Variants in DNER observed in about 807,000 individuals in gnomAD.
DNER encodes delta and Notch-like epidermal growth factor-related receptor.
DNER carries 33 observed loss-of-function variants against 78.2 expected under a neutral mutation model. The observed-to-expected ratio is 0.42, with a 90% CI of 0.32 to 0.56. The LOEUF (loss-of-function observed/expected upper bound fraction) is 0.56, where lower values mean the gene tolerates loss of function less well. DNER is among the 20% of genes least tolerant of loss of function. The pLI is 0.11. For missense variants in DNER, 918 were observed against 975.3 expected, an observed-to-expected ratio of 0.94 and a Z score of 0.78; for synonymous variants, 417 against 384.8, an observed-to-expected ratio of 1.08 and a Z score of -0.98.
intron 4 of DNER, among the ~76,000 whole-genome samples, chr2:229,552,373 C>T (rs1200276587): frequency 2.0e-5 from 3 of 152,216 alleles, no homozygotes; most frequent in Non-Finnish European, 4.4e-5. Context: ...TTTGCTTCCT[C>T]TGAAAGAAAT....
intron 7 of DNER, among the ~76,000 whole-genome samples, chr2:229,464,136 C>A (rs1694756601): frequency 6.6e-6 from 1 of 152,144 alleles, no homozygotes. Context: ...ATGTTCAAAT[C>A]AGAGAAGGGG....
At chr2:229,495,177 CT>C (rs760677805) in intron 6 of DNER, among the ~76,000 whole-genome samples, 2 of 152,204 alleles carry the variant, frequency 1.3e-5, no homozygotes, top group Non-Finnish European at 2.9e-5. Flanking sequence ...CCTTTCAACA[CT>C]TTGCTTGGAA....
chr2:229,424,900 A>G (rs1574837519), intron 8 of DNER, among the ~76,000 whole-genome samples: 1 of 152,316 alleles, frequency 6.6e-6, no homozygotes, highest in South Asian at 2.1e-4. Context: ...CAATAATACC[A>G]TCCTTCCCAG....
chr2:229,378,035 G>A (rs947669244), intron 11 of DNER, among the ~76,000 whole-genome samples: 1 of 152,160 alleles, frequency 6.6e-6, no homozygotes, highest in Admixed American at 6.5e-5. Flanking sequence ...ACAATTGAGT[G>A]ATGAGAATGA....
At chr2:229,381,366 C>T (rs1289517447) in intron 11 of DNER, among the ~76,000 whole-genome samples, 1 of 152,172 alleles carries the variant, frequency 6.6e-6, no homozygotes, top group Non-Finnish European at 1.5e-5. Context: ...AGACACTGAG[C>T]TAGCTGCAGG....
chr2:229,376,088 A>C (rs982756681), intron 11 of DNER, among the ~76,000 whole-genome samples: 2 of 152,052 alleles, frequency 1.3e-5, no homozygotes, highest in Admixed American at 6.6e-5. Context: ...GTTTCCTGAG[A>C]CCTTCCCAGC....
At chr2:229,569,218 A>C (rs1697171312) in intron 4 of DNER, among the ~76,000 whole-genome samples, 1 of 152,176 alleles carries the variant, frequency 6.6e-6, no homozygotes, top group South Asian at 2.1e-4. Context: ...CCAAAATCTG[A>C]AGATGTTCTA....
At chr2:229,546,661 A>G (rs963035986) in intron 5 of DNER, among the ~76,000 whole-genome samples, 2 of 151,662 alleles carry the variant, frequency 1.3e-5, no homozygotes, top group African/African-American at 4.9e-5. Flanking sequence ...ACTTGAACCC[A>G]GGAGCCAGAG....
intron 6 of DNER, among the ~76,000 whole-genome samples, chr2:229,509,024 A>G (rs1695807259): frequency 6.6e-6 from 1 of 152,252 alleles, no homozygotes; most frequent in Admixed American, 6.5e-5. Context: ...GGAGGAGCCT[A>G]TAAGGTTAGT....
At chr2:229,685,652 A>G (rs1574564656) in intron 1 of DNER, among the ~76,000 whole-genome samples, 1 of 152,350 alleles carries the variant, frequency 6.6e-6, no homozygotes, top group Non-Finnish European at 1.5e-5. Flanking sequence ...CTTCCATTTC[A>G]GTGGTTGCAA....
intron 7 of DNER, among the ~76,000 whole-genome samples, chr2:229,466,702 G>A (rs1290795675): frequency 6.6e-6 from 1 of 152,138 alleles, no homozygotes; most frequent in Non-Finnish European, 1.5e-5. Flanking sequence ...TGAATTAAGT[G>A]TTTTATTAAA....
chr2:229,385,123 T>C lies in DNER; in HGVS notation c.1855+3142A>G, dbSNP rs550162239. 3.6e-3 allele frequency among the ~76,000 whole-genome samples: 534 copies of C among 148,750 alleles called. 4 individuals carry two copies. The highest frequency in any genetic ancestry group is 0.013 in the African/African-American group (516 of 40,348). On this transcript the variant is annotated intron_variant, in intron 11 of 12. Coordinates refer to ENST00000341772, the MANE Select transcript of DNER (RefSeq NM_139072.4). ...TCTAAAAAAAAAAAAAAAAAGCTTA[T>C]CCACCACAATCAAGTTGGCTTCATC...
intron 12 of DNER, among the ~76,000 whole-genome samples, chr2:229,359,293 A>G (rs1201036751): frequency 6.6e-6 from 1 of 152,214 alleles, no homozygotes; most frequent in African/African-American, 2.4e-5. Flanking sequence ...CATTGTCCCA[A>G]CAGATTTGTA....
intron 1 of DNER, among the ~76,000 whole-genome samples, chr2:229,602,495 G>A (rs1446846431): frequency 6.6e-6 from 1 of 151,994 alleles, no homozygotes; most frequent in African/African-American, 2.4e-5. Context: ...GTGCAATGAG[G>A]CAAAAATAAA....
chr2:229,522,025 A>T (rs550737253), intron 5 of DNER, among the ~76,000 whole-genome samples: 4 of 149,736 alleles, frequency 2.7e-5, no homozygotes, highest in African/African-American at 9.8e-5. Flanking sequence ...GCTTATTATA[A>T]AAAAAAAAGA....
At chr2:229,499,933 T>TTC (rs1212665732) in intron 6 of DNER, among the ~76,000 whole-genome samples, 18 of 31,800 alleles carry the variant, frequency 5.7e-4, no homozygotes, top group South Asian at 1.4e-3. Context: ...CTTTCTTTCT[T>TTC]TTTTTTTTTT....
At chr2:229,626,699 G>C (rs561756371) in intron 1 of DNER, among the ~76,000 whole-genome samples, 1 of 152,334 alleles carries the variant, frequency 6.6e-6, no homozygotes, top group African/African-American at 2.4e-5. Context: ...GGCAGCATTG[G>C]TAGGAGATAT....
chr2:229,555,055 G>A lies in DNER; in HGVS notation c.848-7963C>T, dbSNP rs564588282. Reference sequence around the variant, plus strand: ...CATGGGCAACAAGGTCATGATAGGAGATTAATAAAAGTCAGAGTGAGTGGA... The same window carrying A: ...CATGGGCAACAAGGTCATGATAGGAAATTAATAAAAGTCAGAGTGAGTGGA... On this transcript the variant is annotated intron_variant, in intron 4 of 12. Transcript: ENST00000341772. 2.0e-5 allele frequency among the ~76,000 whole-genome samples: 3 copies of A among 151,986 alleles called. No individual in the cohort carries two copies. In the South Asian group the frequency reaches 6.2e-4, roughly 32 times the overall value.
intron 10 of DNER, among the ~76,000 whole-genome samples, chr2:229,401,453 CA>C (rs1455131740): frequency 6.6e-6 from 1 of 152,000 alleles, no homozygotes; most frequent in Non-Finnish European, 1.5e-5. Context: ...ACTGGTTAAA[CA>C]AACTCTGGGA....
Sources: gnomAD v4.1 joint callset for allele counts (sites outside exome capture counted in the v4.1 genomes callset) on GRCh38, gnomAD v4.1.1 for gene constraint, MANE v1.5 for transcripts, NCBI Gene and HGNC (gene_info 2026-07-23, HGNC 2026-07-21) for gene names.